RASGRF2: variants seen among roughly 807,000 people sequenced by gnomAD.
RASGRF2 encodes Ras protein specific guanine nucleotide releasing factor 2, also known as ras-specific guanine nucleotide-releasing factor 2.
In RASGRF2, 76 loss-of-function variants were observed where a neutral mutation model predicts 151.0. The ratio of observed to expected loss-of-function variants is 0.50; its 90% CI spans 0.42 to 0.61. The LOEUF is 0.61. Ranked by LOEUF, RASGRF2 falls within the 20% of genes least tolerant of loss-of-function variation. The probability of loss-of-function intolerance (pLI) is 0.00; values close to 1 mark genes in which losing one functional copy is unlikely to be tolerated. For missense variants in RASGRF2, 1,148 were observed against 1,564.6 expected (o/e 0.73, Z 4.49); for synonymous variants, 504 against 566.5 (o/e 0.89, Z 1.57).
rs1752269112 is a variant in RASGRF2 at position 81,087,379 on chromosome 5, T to C, written c.1390+426T>C. The C allele has an allele frequency of 4.3e-6, 3 of 699,746 alleles. No individual in the cohort carries two copies. The Admixed American group carries it at 6.0e-5, about 14-fold the overall frequency. 43.3% of individuals were successfully genotyped at this position (699,746 alleles called of 1,614,324 possible). A position where few individuals can be genotyped will look rare whatever the true frequency, so the allele number is the denominator to read the frequency against. On this transcript the variant is annotated intron_variant, in intron 9 of 26. Transcript: ENST00000265080. ...TGTCCGAAGTGAAAACAGCTGTCTG[T>C]TGTTCCCATTTTTCATCAGCACTTC...
In RASGRF2 at chr5:81,023,052, A is replaced by G. The variant is rs1749886699; in HGVS notation, c.289-19825A>G. On this transcript the variant is annotated intron_variant, in intron 1 of 26. Coordinates refer to ENST00000265080, the MANE Select transcript of RASGRF2 (RefSeq NM_006909.3). ...AGATGCACTTTTCTTGAGAGAAAAG[A>G]CAAGAGAAGGAATAGTTGTGAGTGC... 3.3e-5 allele frequency among the ~76,000 whole-genome samples: 5 copies of G among 150,952 alleles called. No homozygotes were observed. In the South Asian group the frequency reaches 8.5e-4, roughly 26 times the overall value.
intron 15 of RASGRF2, among the ~76,000 whole-genome samples, chr5:81,122,848 A>G (rs895536446): frequency 6.6e-6 from 1 of 152,188 alleles, no homozygotes; most frequent in Non-Finnish European, 1.5e-5. Flanking sequence ...TGACCCTAAA[A>G]TGATGTGTGT....
At chr5:81,179,836 G>C (rs1754871647) in intron 17 of RASGRF2, among the ~76,000 whole-genome samples, 1 of 152,186 alleles carries the variant, frequency 6.6e-6, no homozygotes, top group Non-Finnish European at 1.5e-5. Context: ...AATTAATGCT[G>C]ACTCAAATAC....
At chr5:81,127,976 C>T (rs1184442340) in intron 17 of RASGRF2, among the ~76,000 whole-genome samples, 1 of 149,816 alleles carries the variant, frequency 6.7e-6, no homozygotes, top group Admixed American at 6.7e-5. Flanking sequence ...GAAATCCCAC[C>T]ATTTGCAACA....
intron 1 of RASGRF2, among the ~76,000 whole-genome samples, chr5:80,965,353 T>A (rs562191440): frequency 6.6e-6 from 1 of 152,246 alleles, no homozygotes; most frequent in South Asian, 2.1e-4. Context: ...ATTTGCTAAA[T>A]CTTATACAAT....
intron 20 of RASGRF2, 151 bp downstream of exon 20, chr5:81,207,056 G>A: frequency 1.2e-6 from 1 of 818,262 alleles, no homozygotes. Context: ...ATTTGGTGTG[G>A]GGTCTAGCAG....
chr5:80,991,575 A>G (rs562399042), intron 1 of RASGRF2, among the ~76,000 whole-genome samples: 3 of 152,200 alleles, frequency 2.0e-5, no homozygotes, highest in East Asian at 3.9e-4. Flanking sequence ...CCCACCTTAC[A>G]TATCCATTTT....
chr5:81,206,411 C>T (rs760299378), intron 19 of RASGRF2, among the ~76,000 whole-genome samples: 5 of 152,100 alleles, frequency 3.3e-5, no homozygotes, highest in Non-Finnish European at 5.9e-5. Context: ...GGTGGCCCTG[C>T]GTCTCCTGCC....
chr5:81,190,513 A>C (rs983171048), intron 18 of RASGRF2, among the ~76,000 whole-genome samples: 6 of 152,272 alleles, frequency 3.9e-5, no homozygotes, highest in Admixed American at 3.9e-4. Flanking sequence ...TATAATGCAC[A>C]AATGAATTAT....
chr5:81,079,176 C>T (rs1455751020), intron 5 of RASGRF2, among the ~76,000 whole-genome samples: 1 of 152,102 alleles, frequency 6.6e-6, no homozygotes, highest in African/African-American at 2.4e-5. Context: ...TTAGTTTTAC[C>T]CCTCTCCACC....
rs973458320 is a variant in RASGRF2, at chr5:81,003,825, C to T, written c.289-39052C>T. On this transcript the variant is annotated intron_variant, in intron 1 of 26. Coordinates refer to ENST00000265080, the MANE Select transcript of RASGRF2 (RefSeq NM_006909.3). Reference sequence around the variant, plus strand: ...CAGACCTAAAGAAATAGAATGTCTGCTTTTTCTGCATTTTAGGAAATAGAA... The same window carrying T: ...CAGACCTAAAGAAATAGAATGTCTGTTTTTTCTGCATTTTAGGAAATAGAA... 5.3e-5 allele frequency among the ~76,000 whole-genome samples: 8 copies of T among 152,196 alleles called. 1 individual carries two copies. The highest frequency in any genetic ancestry group is 1.3e-4 in the Admixed American group (2 of 15,274).
rs12657721 is a variant in RASGRF2, at chr5:81,226,738, T to A, written c.*968T>A. 1 of 152,250 alleles carries A rather than the reference T, an allele frequency of 6.6e-6. No homozygotes were observed. Among genetic ancestry groups the A allele is most frequent in the African/African-American group, 2.4e-5 (1 of 41,472 alleles). 9.4% of individuals were successfully genotyped at this position (152,250 alleles called of 1,614,324 possible). ...ATTCTCATTTACACAGACCTTTTTT[T>A]AGGCTTACTATGAACATTGGCTGTA... On this transcript the variant is annotated 3_prime_UTR_variant, in exon 27 of 27. Transcript: ENST00000265080.
intron 18 of RASGRF2, among the ~76,000 whole-genome samples, chr5:81,188,701 G>A (rs978936922): frequency 6.6e-6 from 1 of 152,204 alleles, no homozygotes; most frequent in Non-Finnish European, 1.5e-5. Flanking sequence ...CTCGTTTGAG[G>A]GAGAGGAGGT....
At chr5:81,042,227 A>T (rs1448329533) in intron 1 of RASGRF2, among the ~76,000 whole-genome samples, 1 of 152,148 alleles carries the variant, frequency 6.6e-6, no homozygotes, top group Non-Finnish European at 1.5e-5. Context: ...CTTACATTAC[A>T]CCTCTGCCAA....
chr5:81,053,657 G>C (rs1040430015), intron 2 of RASGRF2, among the ~76,000 whole-genome samples: 2 of 152,148 alleles, frequency 1.3e-5, no homozygotes, highest in Non-Finnish European at 2.9e-5. Flanking sequence ...GGGATGACTA[G>C]GTCAAATGGT....
intron 19 of RASGRF2, chr5:81,204,390 C>T (rs1755461569): frequency 6.6e-6 from 1 of 151,438 alleles, no homozygotes; most frequent in Non-Finnish European, 1.5e-5. Flanking sequence ...GATTTATATG[C>T]ATTCCTGACA....
intron 1 of RASGRF2, among the ~76,000 whole-genome samples, chr5:80,963,354 A>C (rs1394505131): frequency 2.0e-5 from 3 of 152,214 alleles, no homozygotes; most frequent in Non-Finnish European, 4.4e-5. Flanking sequence ...GTTGAAGGTT[A>C]GGGCTTGAAA....
chr5:81,176,004 G>T (rs1754766469), intron 17 of RASGRF2, among the ~76,000 whole-genome samples: 1 of 152,060 alleles, frequency 6.6e-6, no homozygotes, highest in African/African-American at 2.4e-5. Flanking sequence ...TTGTAAAAGG[G>T]GGTGCTGTAT....
chr5:81,000,813 A>T (rs1233696250), intron 1 of RASGRF2, among the ~76,000 whole-genome samples: 1 of 152,178 alleles, frequency 6.6e-6, no homozygotes, highest in Non-Finnish European at 1.5e-5. Flanking sequence ...GCTCTGTTCA[A>T]TCTGGATTTC....
Sources: allele counts gnomAD v4.1 joint callset (sites outside exome capture counted in the v4.1 genomes callset), GRCh38; gene constraint gnomAD v4.1.1; transcripts MANE v1.5; gene names NCBI Gene and HGNC (gene_info 2026-07-23, HGNC 2026-07-21).